The following TMEM248 variants were observed in gnomAD, a reference collection of about 807,000 sequenced individuals.
TMEM248 encodes transmembrane protein 248, also known as UPF0458 protein C7orf42.
Under a neutral mutation model 30.3 loss-of-function variants are expected in TMEM248, and 9 were observed. The ratio of observed to expected loss-of-function variants is 0.30; its 90% confidence interval spans 0.18 to 0.52. The LOEUF (loss-of-function observed/expected upper bound fraction) is 0.52, where lower values mean the gene tolerates loss of function less well. TMEM248 is among the 20% of genes least tolerant of loss of function. The probability of loss-of-function intolerance (pLI) is 0.97; values close to 1 mark genes in which losing one functional copy is unlikely to be tolerated. For missense variants in TMEM248, 338 were observed against 403.3 expected (o/e 0.84, Z 1.39); for synonymous variants, 184 against 154.4 (o/e 1.19, Z -1.42).
intron 2 of TMEM248, 87 bp from the exon 3 acceptor site, chr7:66,944,889 G>A: frequency 2.8e-6 from 4 of 1,418,314 alleles, no homozygotes; most frequent in Non-Finnish European, 3.9e-6. Flanking sequence ...ATGTGCTGCG[G>A]TGCCACACTG....
chr7:66,934,049 G>A (rs943548882), intron 1 of TMEM248, among the ~76,000 whole-genome samples: 2 of 151,164 alleles, frequency 1.3e-5, no homozygotes, highest in Non-Finnish European at 2.9e-5. Flanking sequence ...AAATTTTCTC[G>A]TAACTCTTTG....
intron 3 of TMEM248, among the ~76,000 whole-genome samples, 186 bp downstream of exon 3, chr7:66,945,447 G>C (rs956288536): frequency 1.3e-5 from 2 of 152,206 alleles, no homozygotes; most frequent in Non-Finnish European, 2.9e-5. Flanking sequence ...TACCTGGCTA[G>C]AAGTAGTTTC....
chr7:66,928,584 G>A (rs965064028), intron 1 of TMEM248, among the ~76,000 whole-genome samples: 1 of 152,154 alleles, frequency 6.6e-6, no homozygotes, highest in South Asian at 2.1e-4. Context: ...CACGGTGCCT[G>A]GGAATGGCAT....
In TMEM248 at chr7:66,957,380, T is replaced by C. The variant is rs1226385556; in HGVS notation, c.*1858T>C. On this transcript the variant is annotated 3_prime_UTR_variant, in exon 7 of 7. Transcript: ENST00000341567. ...TAGTAACTTGATATGTTAGTATTTTTCTTTTTCCTTTTAGTATGTTTCAAG... is the reference window on the plus strand; with the variant it reads ...TAGTAACTTGATATGTTAGTATTTTCCTTTTTCCTTTTAGTATGTTTCAAG... 1 of 152,256 alleles carries C rather than the reference T, an allele frequency of 6.6e-6. No homozygotes were observed. The highest frequency in any genetic ancestry group is 1.5e-5 in the Non-Finnish European group (1 of 68,046). 9.4% of individuals were successfully genotyped at this position (152,256 alleles called of 1,614,324 possible).
intron 6 of TMEM248, 88 bp from the exon 7 acceptor site, chr7:66,955,414 A>G (rs1182803689): frequency 1.4e-6 from 2 of 1,462,464 alleles, no homozygotes; most frequent in Non-Finnish European, 1.9e-6. Flanking sequence ...GATATGTGCA[A>G]TTAGTGTGGC....
rs552361780 is a variant in TMEM248, at chr7:66,922,992, C to T, written c.-19+1531C>T. On this transcript the variant is annotated intron_variant, in intron 1 of 6. Coordinates refer to ENST00000341567, the MANE Select transcript of TMEM248 (RefSeq NM_017994.5). ...AAGTTCTGGAATTATAGGCGTGAACCACCCGCACCTGGCATAAGTGCGAAT... is the reference window on the plus strand; with the variant it reads ...AAGTTCTGGAATTATAGGCGTGAACTACCCGCACCTGGCATAAGTGCGAAT... 1.3e-4 allele frequency among the ~76,000 whole-genome samples: 20 copies of T among 152,180 alleles called. No individual in the cohort carries two copies. In the South Asian group the frequency reaches 3.9e-3, roughly 30 times the overall value.
intron 3 of TMEM248, among the ~76,000 whole-genome samples, chr7:66,947,867 A>G (rs1584413363): frequency 1.3e-5 from 2 of 151,998 alleles, no homozygotes; most frequent in South Asian, 2.1e-4. Flanking sequence ...GGCTCAAGTG[A>G]TCCTCCCTAG....
intron 1 of TMEM248, among the ~76,000 whole-genome samples, chr7:66,932,368 G>T (rs961067076): frequency 6.6e-6 from 1 of 152,124 alleles, no homozygotes; most frequent in Non-Finnish European, 1.5e-5. Flanking sequence ...GCAACCTGTG[G>T]GTTGCTTGAA....
chr7:66,944,144 G>A (rs1429720035), intron 2 of TMEM248, among the ~76,000 whole-genome samples: 2 of 130,118 alleles, frequency 1.5e-5, no homozygotes, highest in Admixed American at 9.1e-5. Context: ...TCACTGTGTC[G>A]CCCAGGGTGG....
chr7:66,940,862 C>G (rs973874339), intron 1 of TMEM248, among the ~76,000 whole-genome samples: 3 of 152,206 alleles, frequency 2.0e-5, no homozygotes, highest in African/African-American at 7.2e-5. Context: ...TCCTCACTTT[C>G]TTTCTGTACA....
chr7:66,932,387 A>G (rs980464220), intron 1 of TMEM248, among the ~76,000 whole-genome samples: 2 of 152,220 alleles, frequency 1.3e-5, no homozygotes, highest in South Asian at 4.1e-4. Context: ...AAATATTATC[A>G]GGGTAACCTG....
intron 1 of TMEM248, among the ~76,000 whole-genome samples, chr7:66,932,517 C>CTTT (rs375755080): frequency 7.0e-6 from 1 of 142,922 alleles, no homozygotes; most frequent in Admixed American, 7.1e-5. Context: ...TCCCTGAGAA[C>CTTT]TTTTTTTTTT....
chr7:66,942,825 G>A (rs770145944), intron 2 of TMEM248, among the ~76,000 whole-genome samples: 1 of 148,174 alleles, frequency 6.7e-6, no homozygotes, highest in Non-Finnish European at 1.5e-5. Flanking sequence ...GATTCCTTGG[G>A]TGCCTTCTCT....
At chr7:66,927,084 G>A (rs1791544625) in intron 1 of TMEM248, among the ~76,000 whole-genome samples, 1 of 152,096 alleles carries the variant, frequency 6.6e-6, no homozygotes, top group East Asian at 1.9e-4. Context: ...TTTTAATATG[G>A]GAGTACTTTT....
intron 1 of TMEM248, among the ~76,000 whole-genome samples, chr7:66,933,912 G>T (rs1791733532): frequency 6.6e-6 from 1 of 151,126 alleles, no homozygotes; most frequent in Non-Finnish European, 1.5e-5. Context: ...AATTGGAGTT[G>T]GAATGAATTT....
intron 1 of TMEM248, among the ~76,000 whole-genome samples, chr7:66,940,859 T>C (rs1431787370): frequency 6.6e-6 from 1 of 152,242 alleles, no homozygotes; most frequent in Non-Finnish European, 1.5e-5. Flanking sequence ...GCATCCTCAC[T>C]TTCTTTCTGT....
intron 1 of TMEM248, among the ~76,000 whole-genome samples, chr7:66,937,924 G>A (rs1237069658): frequency 6.6e-6 from 1 of 152,030 alleles, no homozygotes; most frequent in African/African-American, 2.4e-5. Context: ...TAAAGAAACT[G>A]ACTGTTGGTC....
At chr7:66,925,767 G>A (rs1194285817) in intron 1 of TMEM248, among the ~76,000 whole-genome samples, 2 of 149,066 alleles carry the variant, frequency 1.3e-5, no homozygotes, top group South Asian at 2.1e-4. Context: ...TCAGCCTCCC[G>A]AGTAGCTGAG....
intron 3 of TMEM248, among the ~76,000 whole-genome samples, chr7:66,948,027 G>A (rs1792157755): frequency 6.6e-6 from 1 of 152,078 alleles, no homozygotes; most frequent in Non-Finnish European, 1.5e-5. Flanking sequence ...CAAAGTGCTG[G>A]GACTACAGAT....
Sources: allele counts gnomAD v4.1 joint callset (sites outside exome capture counted in the v4.1 genomes callset), GRCh38; gene constraint gnomAD v4.1.1; transcripts MANE v1.5; gene names NCBI Gene and HGNC (gene_info 2026-07-23, HGNC 2026-07-21).